IGF2R: variants seen among roughly 807,000 people sequenced by gnomAD.
IGF2R encodes insulin like growth factor 2 receptor, also known as cation-independent mannose-6-phosphate receptor.
In IGF2R, 91 loss-of-function variants were observed where a neutral mutation model predicts 270.6. That is an observed-to-expected ratio of 0.34 (90% CI 0.28 to 0.40). The LOEUF is 0.40. Among genes scored for constraint, IGF2R ranks in the 10% least tolerant of loss-of-function variants. IGF2R has a pLI of 1.00. For missense variants in IGF2R, 2,805 were observed against 3,188.3 expected (o/e 0.88, Z 2.90); for synonymous variants, 1,316 against 1,258.9 (o/e 1.05, Z -0.96).
intron 2 of IGF2R, among the ~76,000 whole-genome samples, chr6:159,997,216 C>G (rs1784066275): frequency 6.6e-6 from 1 of 152,186 alleles, no homozygotes; most frequent in Non-Finnish European, 1.5e-5. Context: ...GCATGCTGTA[C>G]TCTTTCTTCC....
chr6:160,064,663 GA>G, intron 28 of IGF2R, 132 bp downstream of exon 28: 1 of 1,171,280 alleles, frequency 8.5e-7, no homozygotes, highest in South Asian at 1.4e-5. Context: ...ACCATTTACA[GA>G]AAATATGTTG....
rs953536508 is a variant in IGF2R, at chr6:159,975,684, T to A, written c.149+6289T>A. 4.1e-3 allele frequency among the ~76,000 whole-genome samples: 581 copies of A among 141,718 alleles called. 4 individuals are homozygous for A. Among genetic ancestry groups the A allele is most frequent in the African/African-American group, 0.015 (552 of 37,992 alleles). The allele number at this position is 141,718 out of a possible 152,430, so 93.0% of individuals were successfully genotyped here. A position where few individuals can be genotyped will look rare whatever the true frequency, so the allele number is the denominator to read the frequency against. Reference sequence around the variant, plus strand: ...AAACCCATACATGTATTATATATATTTATATATATATATATATAAAGTATA... The same window carrying A: ...AAACCCATACATGTATTATATATATATATATATATATATATATAAAGTATA... On this transcript the variant is annotated intron_variant, in intron 1 of 47. Coordinates refer to ENST00000356956, the MANE Select transcript of IGF2R (RefSeq NM_000876.4).
Position 160,079,746 on chromosome 6 carries a change from C to A in IGF2R, c.5645C>A (p.Ala1882Glu). Residue 1882 changes from alanine to glutamate, a missense_variant, in exon 38 of 48, where the codon GCG becomes GAG. Ala to Glu is a moderately radical substitution (Grantham distance 107). Coordinates refer to ENST00000356956, the MANE Select transcript of IGF2R (RefSeq NM_000876.4). Reference protein sequence around the residue: ...MKLDYRHQDEAVVLSYVNGDR... With the variant: ...MKLDYRHQDEEVVLSYVNGDR... Reference sequence around the variant, plus strand: ...CTGGATTACAGGCACCAGGATGAAGCGGTCGTTTTAAGTTACGTGAATGGT... The same window carrying A: ...CTGGATTACAGGCACCAGGATGAAGAGGTCGTTTTAAGTTACGTGAATGGT... 9.5e-6 allele frequency: 14 copies of A among 1,479,112 alleles called. No individual in the cohort carries two copies. The highest frequency in any genetic ancestry group is 1.2e-5 in the Non-Finnish European group (13 of 1,112,274). The allele number at this position is 1,479,112 out of a possible 1,614,324, so 91.6% of individuals were successfully genotyped here.
chr6:160,046,736 T>A, intron 15 of IGF2R, 91 bp downstream of exon 15: 1 of 1,342,442 alleles, frequency 7.4e-7, no homozygotes, highest in Non-Finnish European at 1.0e-6. Context: ...CTTAATGTCA[T>A]TGCTTTATGA....
rs187620360 is a variant in IGF2R, at chr6:160,034,484, G to A, written c.1277G>A (p.Arg426Gln). ...GGDECSSGFQRMSVINFECNK... is the reference protein window; with the variant it reads ...GGDECSSGFQQMSVINFECNK... ...GATGAATGCAGCTCAGGGTTTCAGC[G>A]GATGAGCGTCATAAACTTTGAGTGC... is the stretch of plus-strand genomic sequence containing the variant. Residue 426 changes from arginine to glutamine, a missense_variant, in exon 10 of 48, where the codon CGG (arginine) becomes CAG (glutamine). By Grantham distance (43) the Arg-to-Gln change is conservative. Coordinates refer to ENST00000356956, the MANE Select transcript of IGF2R (RefSeq NM_000876.4). 21 of 1,611,472 alleles carry A rather than the reference G, an allele frequency of 1.3e-5. No individual in the cohort carries two copies. The Admixed American group carries it at 1.8e-4, about 14-fold the overall frequency.
At chr6:160,016,049 T>A (rs1777290450) in intron 4 of IGF2R, among the ~76,000 whole-genome samples, 1 of 152,204 alleles carries the variant, frequency 6.6e-6, no homozygotes, top group South Asian at 2.1e-4. Context: ...CTTTATAAAT[T>A]ACCCAGTCTC....
At chr6:160,065,814 G>GTGTGTGTGTGTGTGTATATATA in intron 29 of IGF2R, among the ~76,000 whole-genome samples, 1 of 78,392 alleles carries the variant, frequency 1.3e-5, no homozygotes, top group African/African-American at 5.6e-5. Context: ...GTGTGTGTGT[G>GTGTGTGTGTGTGTGTATATATA]TATATATATA....
intron 30 of IGF2R, 117 bp from the exon 31 acceptor site, chr6:160,069,751 T>C: frequency 2.3e-6 from 2 of 851,270 alleles, no homozygotes; most frequent in Non-Finnish European, 3.6e-6. Context: ...TATTTTGAAG[T>C]GACTCTTAGA....
intron 29 of IGF2R, among the ~76,000 whole-genome samples, chr6:160,065,804 GTGTGTGTGTGTATATATATATATA>G (rs1778562239): frequency 3.2e-5 from 2 of 61,540 alleles, no homozygotes; most frequent in African/African-American, 6.9e-5. Flanking sequence ...GTGTGTGTGT[GTGTGTGTGTGTATATATATATATA>G]TATATATATA....
rs528964198 is a variant in IGF2R, at chr6:160,017,924, C to T, written c.514-6648C>T. 7.9e-4 allele frequency among the ~76,000 whole-genome samples: 120 copies of T among 152,216 alleles called. 1 individual carries two copies. Among genetic ancestry groups the T allele is most frequent in the African/African-American group, 2.6e-3 (107 of 41,540 alleles). On this transcript the variant is annotated intron_variant, in intron 4 of 47. Coordinates refer to ENST00000356956, the MANE Select transcript of IGF2R (RefSeq NM_000876.4). ...AAAAACACACAAAAGTATAAACACT[C>T]TTATAAAACAATTATTCAAACAAGA... is the stretch of plus-strand genomic sequence containing the variant.
In IGF2R at chr6:160,038,539, C is replaced by G. The variant is rs13220128; in HGVS notation, c.1316-2021C>G. Among the ~76,000 whole-genome samples the G allele has an allele frequency of 9.1e-3, 1,384 of 152,292 alleles. 23 individuals are homozygous for G. Among genetic ancestry groups the G allele is most frequent in the Non-Finnish European group, 0.014 (960 of 68,018 alleles). ...TAGTATTTAATTATTTGTAAACTTA[C>G]ACGTTTTTCTTCACGTTTGCAGAAT... On this transcript the variant is annotated intron_variant, in intron 10 of 47. Transcript: ENST00000356956.
Position 160,050,700 on chromosome 6 carries a change from C to T in IGF2R, c.2694+48C>T. On this transcript the variant is annotated intron_variant, in intron 19 of 47. Coordinates refer to ENST00000356956, the MANE Select transcript of IGF2R (RefSeq NM_000876.4). The surrounding 1 kb of genome is among the most constrained non-coding windows in gnomAD (Gnocchi z 4.0). ...TGACCTTCACTGCTGCATTTTTTGA[C>T]TGAGCGTTGCCTTATGTGTCTCTTA... 2.0e-6 allele frequency: 3 copies of T among 1,515,838 alleles called. No homozygotes were observed. The highest frequency in any genetic ancestry group is 1.9e-5 in the Admixed American group (1 of 52,568). The allele number at this position is 1,515,838 out of a possible 1,614,324, so 93.9% of individuals were successfully genotyped here.
chr6:160,064,756 A>T (rs374614994), intron 28 of IGF2R, 48 bp from the exon 29 acceptor site: 1 of 1,348,930 alleles, frequency 7.4e-7, no homozygotes, highest in Non-Finnish European at 1.1e-6. Context: ...AGTATAAACT[A>T]AAGTTTTGCA....
chr6:159,977,352 C>T (rs1373236015), intron 1 of IGF2R, among the ~76,000 whole-genome samples: 3 of 152,158 alleles, frequency 2.0e-5, no homozygotes, highest in South Asian at 2.1e-4. Context: ...TGTGCAGCTG[C>T]GTGGGGTAGG....
chr6:160,063,247 C>T (rs1583286883), intron 26 of IGF2R, among the ~76,000 whole-genome samples, 168 bp from the exon 27 acceptor site: 1 of 152,084 alleles, frequency 6.6e-6, no homozygotes, highest in African/African-American at 2.4e-5. Flanking sequence ...CCATGTTGGC[C>T]AGGATGGTCT....
chr6:159,982,905 G>A (rs1783827852), intron 1 of IGF2R, among the ~76,000 whole-genome samples: 1 of 152,156 alleles, frequency 6.6e-6, no homozygotes, highest in Non-Finnish European at 1.5e-5. Flanking sequence ...GATGCTAGCT[G>A]TTTTTAAAAG....
intron 19 of IGF2R, among the ~76,000 whole-genome samples, chr6:160,051,101 C>T (rs1003078300): frequency 6.6e-6 from 1 of 152,098 alleles, no homozygotes. Context: ...TTTTGACGTG[C>T]ATAGCACCGG....
chr6:160,033,246 C>G, intron 9 of IGF2R, 139 bp downstream of exon 9: 1 of 603,598 alleles, frequency 1.7e-6, no homozygotes, highest in Non-Finnish European at 2.9e-6. Context: ...AAGTAATTCT[C>G]CCACCTCAGC....
At chr6:160,077,061 C>T (rs1296462577) in intron 36 of IGF2R, among the ~76,000 whole-genome samples, 1 of 152,078 alleles carries the variant, frequency 6.6e-6, no homozygotes, top group Non-Finnish European at 1.5e-5. Flanking sequence ...GCCGCCTGAC[C>T]AGTGAGAGAG....
Sources: allele counts gnomAD v4.1 joint callset (sites outside exome capture counted in the v4.1 genomes callset), GRCh38; gene constraint gnomAD v4.1.1; non-coding constraint Gnocchi (gnomAD v3.1); transcripts MANE v1.5; gene names NCBI Gene and HGNC (gene_info 2026-07-23, HGNC 2026-07-21).